PLEKHB2: variants seen among roughly 807,000 people sequenced by gnomAD.
The protein encoded by PLEKHB2 is pleckstrin homology domain containing B2.
PLEKHB2 carries 31 observed loss-of-function variants against 36.5 expected under a neutral mutation model. The observed-to-expected ratio is 0.85, with a 90% CI of 0.64 to 1.15. The LOEUF (loss-of-function observed/expected upper bound fraction) is 1.15, where lower values mean the gene tolerates loss of function less well. PLEKHB2 is among the 50% of genes most tolerant of loss of function. The probability of loss-of-function intolerance (pLI) is 0.00; values close to 1 mark genes in which losing one functional copy is unlikely to be tolerated. For synonymous variants in PLEKHB2, 119 were observed against 112.0 expected (o/e 1.06, Z -0.39); for missense variants, 262 against 295.3 (o/e 0.89, Z 0.83).
chr2:131,132,898 G>T lies in PLEKHB2; in HGVS notation c.334-4G>T, dbSNP rs371262320. ...CTGTCCTCACCCTCTCCTGTCTCCC[G>T]CAGGCGTATGTGGGCTCTGCAGTCA... On this transcript the variant is annotated splice_region_variant and splice_polypyrimidine_tract_variant and intron_variant, in intron 5 of 7. Coordinates refer to ENST00000693505, the MANE Select transcript of PLEKHB2 (RefSeq NM_001100623.2). The T allele has an allele frequency of 1.0e-5, 16 of 1,587,316 alleles. No individual in the cohort carries two copies. The highest frequency in any genetic ancestry group is 1.3e-5 in the African/African-American group (1 of 74,448).
intron 1 of PLEKHB2, among the ~76,000 whole-genome samples, chr2:131,116,539 C>G (rs114910420): frequency 0.028 from 4,261 of 152,234 alleles, 197 homozygotes; most frequent in African/African-American, 0.096. Context: ...GGGAAGCAGG[C>G]ATGTCTTCAT....
At chr2:131,108,162 C>T (rs1207821139) in intron 1 of PLEKHB2, 1 of 152,190 alleles carries the variant, frequency 6.6e-6, no homozygotes, top group East Asian at 1.9e-4. Flanking sequence ...CTGTCAGATT[C>T]CAAAGGCAGT....
chr2:131,124,290 G>C (rs141291281), intron 2 of PLEKHB2, among the ~76,000 whole-genome samples: 1 of 152,290 alleles, frequency 6.6e-6, no homozygotes, highest in African/African-American at 2.4e-5. Context: ...CGCATATCTG[G>C]TTGACACCAG....
chr2:131,124,204 G>T (rs747925751), intron 2 of PLEKHB2, among the ~76,000 whole-genome samples: 3 of 152,130 alleles, frequency 2.0e-5, no homozygotes, highest in Non-Finnish European at 2.9e-5. Flanking sequence ...TCACTTAGTG[G>T]TCAGTTAGGC....
intron 1 of PLEKHB2, among the ~76,000 whole-genome samples, chr2:131,112,939 A>G (rs962222241): frequency 1.3e-5 from 2 of 152,102 alleles, no homozygotes; most frequent in African/African-American, 2.4e-5. Flanking sequence ...AGTTGATCAC[A>G]TGTTCCAGAG....
At chr2:131,129,392 A>G (rs1028072896) in intron 4 of PLEKHB2, among the ~76,000 whole-genome samples, 1 of 151,884 alleles carries the variant, frequency 6.6e-6, no homozygotes, top group Admixed American at 6.6e-5. Context: ...TGAATCTTTC[A>G]ACTCAGGGAG....
At chr2:131,113,798 G>A (rs977800424) in intron 1 of PLEKHB2, among the ~76,000 whole-genome samples, 1 of 152,136 alleles carries the variant, frequency 6.6e-6, no homozygotes, top group Non-Finnish European at 1.5e-5. Context: ...GTGTGGCCAC[G>A]CCCAGTCTCC....
chr2:131,137,541 G>A (rs1698391246), intron 6 of PLEKHB2, among the ~76,000 whole-genome samples: 2 of 152,164 alleles, frequency 1.3e-5, no homozygotes, highest in South Asian at 4.1e-4. Flanking sequence ...TGACTTAGAT[G>A]TGTAGAGTTC....
rs1391049749 is a variant in PLEKHB2, at chr2:131,107,077, T to C, written c.-9+1679T>C. ...CTCAGCTCTTTCTGAAAGCTTTGCT[T>C]ATGCTTTTCAGCTTGCATTAATATT... On this transcript the variant is annotated intron_variant, in intron 1 of 7. Coordinates refer to ENST00000693505, the MANE Select transcript of PLEKHB2 (RefSeq NM_001100623.2). 4.6e-5 allele frequency among the ~76,000 whole-genome samples: 7 copies of C among 152,352 alleles called. No homozygotes were observed. In the South Asian group the frequency reaches 1.4e-3, roughly 32 times the overall value.
chr2:131,127,111 A>C, intron 4 of PLEKHB2: 1 of 243,730 alleles, frequency 4.1e-6, no homozygotes, highest in Non-Finnish European at 8.0e-6. Flanking sequence ...AAGAGTAAGG[A>C]AACTGTCAGT....
At chr2:131,118,523 C>T (rs185887957) in intron 1 of PLEKHB2, among the ~76,000 whole-genome samples, 3 of 152,128 alleles carry the variant, frequency 2.0e-5, no homozygotes, top group Admixed American at 2.0e-4. Context: ...TGCCCACTTG[C>T]GCTTGTGCTA....
intron 1 of PLEKHB2, among the ~76,000 whole-genome samples, chr2:131,120,014 G>A (rs1414960670): frequency 6.6e-6 from 1 of 150,814 alleles, no homozygotes; most frequent in Admixed American, 6.6e-5. Context: ...TGTTGCCCAG[G>A]CTGGAGTGCA....
chr2:131,140,517 A>G (rs527466976), intron 7 of PLEKHB2, among the ~76,000 whole-genome samples: 1 of 152,048 alleles, frequency 6.6e-6, no homozygotes, highest in East Asian at 1.9e-4. Flanking sequence ...TTCTCAGAGA[A>G]TTTTGTACTT....
At chr2:131,131,216 G>A (rs957150779) in intron 5 of PLEKHB2, among the ~76,000 whole-genome samples, 2 of 152,206 alleles carry the variant, frequency 1.3e-5, no homozygotes, top group Non-Finnish European at 2.9e-5. Flanking sequence ...TGAGCAAGCT[G>A]GGTTTGTCAA....
intron 1 of PLEKHB2, among the ~76,000 whole-genome samples, chr2:131,114,492 T>C (rs1695658769): frequency 6.6e-6 from 1 of 152,248 alleles, no homozygotes; most frequent in Non-Finnish European, 1.5e-5. Flanking sequence ...TGCAAATTTC[T>C]GCAGCAGGCT....
intron 1 of PLEKHB2, among the ~76,000 whole-genome samples, chr2:131,117,907 A>G (rs1024466865): frequency 6.6e-6 from 1 of 152,216 alleles, no homozygotes; most frequent in Non-Finnish European, 1.5e-5. Flanking sequence ...TGTTCTAAGA[A>G]TATTTAATGA....
intron 6 of PLEKHB2, among the ~76,000 whole-genome samples, chr2:131,133,534 T>C (rs1697932643): frequency 6.6e-6 from 1 of 152,244 alleles, no homozygotes; most frequent in Non-Finnish European, 1.5e-5. Context: ...TTATGTGTTT[T>C]CCCCATTTGT....
At chr2:131,113,642 C>T (rs1053636786) in intron 1 of PLEKHB2, among the ~76,000 whole-genome samples, 1 of 152,138 alleles carries the variant, frequency 6.6e-6, no homozygotes, top group Non-Finnish European at 1.5e-5. Context: ...TACAGAACAC[C>T]CAGTTGTCAG....
intron 3 of PLEKHB2, 135 bp downstream of exon 3, chr2:131,126,040 G>A (rs1047996282): frequency 3.4e-5 from 28 of 820,072 alleles, no homozygotes; most frequent in Admixed American, 1.9e-4. Flanking sequence ...GGCGACCACA[G>A]TGGGGCCCCA....
Sources: allele counts gnomAD v4.1 joint callset (sites outside exome capture counted in the v4.1 genomes callset), GRCh38; gene constraint gnomAD v4.1.1; transcripts MANE v1.5; gene names NCBI Gene and HGNC (gene_info 2026-07-23, HGNC 2026-07-21).